The following PREX1 variants were observed in gnomAD, a reference collection of about 807,000 sequenced individuals.
The protein encoded by PREX1 is phosphatidylinositol-3,4,5-trisphosphate dependent Rac exchange factor 1.
PREX1 carries 41 observed loss-of-function variants against 198.3 expected under a neutral mutation model. The ratio of observed to expected loss-of-function variants is 0.21; its 90% confidence interval spans 0.16 to 0.27. PREX1 has a LOEUF of 0.27. Ranked by LOEUF, PREX1 falls within the 10% of genes least tolerant of loss-of-function variation. PREX1 has a pLI of 1.00. For synonymous variants in PREX1, 843 were observed against 887.2 expected (o/e 0.95, Z 0.89); for missense variants, 1,620 against 2,200.7 (o/e 0.74, Z 5.28).
At chr20:48,654,112 G>A (rs2089523529) in intron 19 of PREX1, among the ~76,000 whole-genome samples, 1 of 152,204 alleles carries the variant, frequency 6.6e-6, no homozygotes, top group Admixed American at 6.5e-5. Flanking sequence ...TCAAACCCTG[G>A]CTCTGCCATA....
At chr20:48,695,502 T>C (rs1185764666) in intron 7 of PREX1, among the ~76,000 whole-genome samples, 1 of 152,226 alleles carries the variant, frequency 6.6e-6, no homozygotes, top group Non-Finnish European at 1.5e-5. Context: ...TGCCAAGCTG[T>C]TTTCCAAAAT....
chr20:48,769,012 T>C (rs879397083), intron 1 of PREX1, among the ~76,000 whole-genome samples: 1 of 152,158 alleles, frequency 6.6e-6, no homozygotes, highest in Non-Finnish European at 1.5e-5. Context: ...GTTTGTCTAC[T>C]GTCCACGCAT....
At chr20:48,819,900 C>A (rs183417532) in intron 1 of PREX1, among the ~76,000 whole-genome samples, 16 of 152,324 alleles carry the variant, frequency 1.1e-4, no homozygotes, top group East Asian at 1.9e-4. Flanking sequence ...ACACCCTGAC[C>A]CCGGCCTCGC....
intron 24 of PREX1, 104 bp downstream of exon 24, chr20:48,649,892 G>A: frequency 7.5e-7 from 1 of 1,330,906 alleles, no homozygotes; most frequent in Non-Finnish European, 1.1e-6. Flanking sequence ...GATGACCATG[G>A]AGCCGCCATT....
intron 1 of PREX1, among the ~76,000 whole-genome samples, chr20:48,819,494 C>T (rs537806088): frequency 6.6e-6 from 1 of 152,362 alleles, no homozygotes; most frequent in South Asian, 2.1e-4. Flanking sequence ...CTGTCACAAA[C>T]ATCACCTCAT....
intron 21 of PREX1, 66 bp from the exon 22 acceptor site, chr20:48,651,649 G>A: frequency 6.7e-7 from 1 of 1,493,112 alleles, no homozygotes; most frequent in Non-Finnish European, 9.1e-7. Flanking sequence ...AGGCGAGGAG[G>A]ATTCTGGAGG....
Position 48,659,977 on chromosome 20 carries a change from T to C in PREX1, c.1823A>G (p.Asn608Ser), listed in dbSNP as rs1416405194. The C allele has an allele frequency of 6.2e-7, 1 of 1,614,230 alleles. No individual in the cohort carries two copies. The highest frequency in any genetic ancestry group is 1.1e-5 in the South Asian group (1 of 91,084). The change falls in exon 16 of 40, where the codon AAC becomes AGC. Residue 608 changes from asparagine (N) to serine (S), a missense_variant. Physicochemically the swap from Asn to Ser is conservative, Grantham distance 46. Transcript: ENST00000371941. ...DEEMEGTSSK[N>S]KQLRNDFKLV... is the part of the protein sequence containing the mutation. Reference sequence around the variant, plus strand: ...CTTGAAGTCGTTGCGAAGCTGTTTGTTCTTGCTGCTGGTCCCCTCCATCTC... The same window carrying C: ...CTTGAAGTCGTTGCGAAGCTGTTTGCTCTTGCTGCTGGTCCCCTCCATCTC...
chr20:48,826,353 T>C (rs2090508788), intron 1 of PREX1, among the ~76,000 whole-genome samples: 1 of 151,534 alleles, frequency 6.6e-6, no homozygotes, highest in Non-Finnish European at 1.5e-5. Flanking sequence ...CTCCACCCGC[T>C]GGCCACTTTT....
chr20:48,720,629 G>T (rs1164493632), intron 5 of PREX1, among the ~76,000 whole-genome samples: 1 of 151,872 alleles, frequency 6.6e-6, no homozygotes, highest in African/African-American at 2.4e-5. Flanking sequence ...CATAAAGTCT[G>T]CTCTGGTGCC....
At chr20:48,714,897 T>A (rs561740942) in intron 5 of PREX1, among the ~76,000 whole-genome samples, 2 of 152,270 alleles carry the variant, frequency 1.3e-5, no homozygotes, top group East Asian at 3.9e-4. Context: ...CTCGAAGGTG[T>A]CCCAGCTGGT....
At chr20:48,719,560 AG>A (rs1386275714) in intron 5 of PREX1, among the ~76,000 whole-genome samples, 7 of 152,188 alleles carry the variant, frequency 4.6e-5, no homozygotes, top group African/African-American at 1.7e-4. Flanking sequence ...CCCGATCCCC[AG>A]CAGATGAGGA....
the PREX1 span, among the ~76,000 whole-genome samples, chr20:48,874,402 T>A: frequency 3.3e-5 from 5 of 151,286 alleles, no homozygotes; most frequent in African/African-American, 1.2e-4. Context: ...TGTGTGTGTG[T>A]GTGTGTGTGT....
rs778484636 is a variant in PREX1 at position 48,632,478 on chromosome 20, C to A, written c.4411+18G>T. The A allele has an allele frequency of 1.2e-6, 2 of 1,613,766 alleles. No individual in the cohort carries two copies. The highest frequency in any genetic ancestry group is 2.2e-5 in the South Asian group (2 of 91,072). On this transcript the variant is annotated intron_variant, in intron 34 of 39. Coordinates refer to ENST00000371941, the MANE Select transcript of PREX1 (RefSeq NM_020820.4). ...GCCCGGCCCCCGTGGTCCTCCCTGC[C>A]CCAGGCCTGAAGCTCACCTTTCGTG...
the PREX1 span, among the ~76,000 whole-genome samples, chr20:48,845,585 C>G: frequency 6.6e-6 from 1 of 151,834 alleles, no homozygotes; most frequent in Admixed American, 6.6e-5. Flanking sequence ...GCCTTTAGTC[C>G]CAGCTACTCT....
chr20:48,781,220 C>T (rs2104135), intron 1 of PREX1, among the ~76,000 whole-genome samples: 137,748 of 152,194 alleles, frequency 0.91, 62,458 homozygotes, highest in African/African-American at 0.93. Flanking sequence ...TCTACTGAAT[C>T]TTATAGTTAA....
intron 7 of PREX1, among the ~76,000 whole-genome samples, chr20:48,694,458 T>C (rs1444793010): frequency 1.3e-5 from 2 of 152,192 alleles, no homozygotes; most frequent in Non-Finnish European, 2.9e-5. Context: ...ACTCAACTTC[T>C]AACATGGGGT....
At chr20:48,649,679 G>C in intron 24 of PREX1, 103 bp from the exon 25 acceptor site, 10 of 1,318,588 alleles carry the variant, frequency 7.6e-6, no homozygotes, top group African/African-American at 1.5e-5. Flanking sequence ...CAATGAAGGA[G>C]AAAAATGTCC....
chr20:48,688,870 C>T, intron 9 of PREX1, 66 bp from the exon 10 acceptor site: 1 of 1,594,800 alleles, frequency 6.3e-7, no homozygotes, highest in East Asian at 2.2e-5. Context: ...TAGGGGGAGA[C>T]AAGGGGCAGG....
At chr20:48,843,572 G>C in the PREX1 span, among the ~76,000 whole-genome samples, 1 of 152,212 alleles carries the variant, frequency 6.6e-6, no homozygotes, top group African/African-American at 2.4e-5. Flanking sequence ...ACATGATCAA[G>C]TTACTTATCC....
Sources: gnomAD v4.1 joint callset for allele counts (sites outside exome capture counted in the v4.1 genomes callset) on GRCh38, gnomAD v4.1.1 for gene constraint, MANE v1.5 for transcripts, NCBI Gene and HGNC (gene_info 2026-07-23, HGNC 2026-07-21) for gene names.